INSL6: variants seen among roughly 807,000 people sequenced by gnomAD.
INSL6 encodes insulin-like peptide INSL6.
In INSL6, 16 loss-of-function variants were observed where a neutral mutation model predicts 9.4. The observed-to-expected ratio is 1.70, with a 90% CI of 1.15 to 2.59. The LOEUF is 2.59. INSL6 is among the 30% of genes most tolerant of loss of function. The probability of loss-of-function intolerance (pLI) is 0.00; values close to 1 mark genes in which losing one functional copy is unlikely to be tolerated. For missense variants in INSL6, 391 were observed against 257.3 expected (o/e 1.52, Z -3.56); for synonymous variants, 154 against 96.9 (o/e 1.59, Z -3.46).
chr9:5,035,383 T>C, the INSL6 span, among the ~76,000 whole-genome samples: 2 of 152,244 alleles, frequency 1.3e-5, no homozygotes, highest in Non-Finnish European at 2.9e-5. Context: ...ACTCATTTTA[T>C]GAGGCCAGCA....
chr9:5,111,210 C>T, the INSL6 span: 1 of 614,002 alleles, frequency 1.6e-6, no homozygotes, highest in Non-Finnish European at 3.0e-6. Context: ...GACTCGGAGG[C>T]AAGAGCAGCT....
At chr9:5,061,297 C>T in the INSL6 span, among the ~76,000 whole-genome samples, 1 of 152,238 alleles carries the variant, frequency 6.6e-6, no homozygotes, top group Non-Finnish European at 1.5e-5. Flanking sequence ...ACTGACTTCT[C>T]CTCTCTAGCT....
the INSL6 span, among the ~76,000 whole-genome samples, chr9:5,107,343 A>C: frequency 6.6e-6 from 1 of 152,158 alleles, no homozygotes; most frequent in Non-Finnish European, 1.5e-5. Context: ...ATGAAGGCAG[A>C]TTTGACCCAA....
intron 3 of INSL6, among the ~76,000 whole-genome samples, chr9:5,125,199 A>G (rs1245126790): frequency 6.6e-6 from 1 of 151,180 alleles, no homozygotes; most frequent in East Asian, 1.9e-4. Context: ...TTTGTGTATA[A>G]AAGTATATAC....
chr9:5,071,393 T>A, the INSL6 span, among the ~76,000 whole-genome samples: 1 of 152,028 alleles, frequency 6.6e-6, no homozygotes, highest in Non-Finnish European at 1.5e-5. Context: ...ATACAGACTA[T>A]AAAATACATA....
the INSL6 span, chr9:5,022,244 T>C: frequency 1.4e-6 from 2 of 1,465,558 alleles, no homozygotes; most frequent in South Asian, 2.3e-5. Context: ...TTTTCCTTTT[T>C]ATGCATGGAT....
At chr9:5,072,536 C>A in the INSL6 span, 4 of 1,605,102 alleles carry the variant, frequency 2.5e-6, no homozygotes, top group South Asian at 4.5e-5. Context: ...TTTTTAAAGG[C>A]GTACGAAGAG....
At chr9:5,047,600 T>A in the INSL6 span, among the ~76,000 whole-genome samples, 24 of 152,324 alleles carry the variant, frequency 1.6e-4, no homozygotes, top group East Asian at 1.7e-3. Flanking sequence ...AGATGTAAAT[T>A]TCTTAAGTTC....
chr9:5,126,693 A>G (rs1353496335), intron 3 of INSL6: 2 of 1,607,730 alleles, frequency 1.2e-6, no homozygotes, highest in African/African-American at 1.3e-5. Flanking sequence ...GATCTATATG[A>G]TCATGACAGA....
At chr9:5,050,633 A>T in the INSL6 span, 1 of 1,522,440 alleles carries the variant, frequency 6.6e-7, no homozygotes, top group Non-Finnish European at 9.0e-7. Flanking sequence ...CATAGATTAA[A>T]ACATGATAAT....
At chr9:5,098,145 A>G in the INSL6 span, 1 of 152,210 alleles carries the variant, frequency 6.6e-6, no homozygotes, top group Non-Finnish European at 1.5e-5. Context: ...GAGTGACTTT[A>G]TGGCTGTCCA....
chr9:5,118,634 TG>T, the INSL6 span, among the ~76,000 whole-genome samples: 1 of 152,250 alleles, frequency 6.6e-6, no homozygotes, highest in South Asian at 2.1e-4. Flanking sequence ...GCATAAATTC[TG>T]TGTTCATTTT....
the INSL6 span, chr9:5,112,139 C>T: frequency 5.2e-5 from 16 of 309,086 alleles, no homozygotes; most frequent in East Asian, 8.7e-4. Context: ...GCCATGGGCA[C>T]GGCTAGCAAC....
rs967625153 is a variant in INSL6, at chr9:5,146,196, T to C, written c.377-12604A>G. Among the ~76,000 whole-genome samples the C allele has an allele frequency of 4.6e-5, 7 of 152,162 alleles. No homozygotes were observed. The East Asian group carries it at 1.3e-3, about 29-fold the overall frequency. ...AAGTGAACTCAGCGAATTGGCCTTG[T>C]TTCTTGAAGATTTTAGGGGGCCAGT... On this transcript the variant is annotated intron_variant, in intron 2 of 3. Coordinates refer to the INSL6 transcript ENST00000649639.
chr9:5,169,099 T>C (rs372572061), intron 1 of INSL6, among the ~76,000 whole-genome samples: 1 of 152,276 alleles, frequency 6.6e-6, no homozygotes, highest in South Asian at 2.1e-4. Context: ...GCTAATTTTG[T>C]ATTTTTAGTA....
chr9:5,034,393 A>C, the INSL6 span, among the ~76,000 whole-genome samples: 1 of 152,226 alleles, frequency 6.6e-6, no homozygotes, highest in Non-Finnish European at 1.5e-5. Flanking sequence ...AAGCAGACCT[A>C]ATAGACATCT....
intron 1 of INSL6, among the ~76,000 whole-genome samples, chr9:5,181,864 A>G (rs981733004): frequency 6.6e-6 from 1 of 152,224 alleles, no homozygotes; most frequent in East Asian, 1.9e-4. Flanking sequence ...AGAGCAAGTT[A>G]AAATAGAAAT....
chr9:5,045,283 C>A, the INSL6 span, among the ~76,000 whole-genome samples: 4 of 152,138 alleles, frequency 2.6e-5, no homozygotes, highest in South Asian at 8.3e-4. Flanking sequence ...GGAAACAAGC[C>A]CACAGATCCT....
downstream of INSL6, among the ~76,000 whole-genome samples, chr9:5,119,834 G>C (rs995458509): frequency 1.3e-5 from 2 of 151,898 alleles, no homozygotes; most frequent in African/African-American, 4.8e-5. Context: ...AAGCAAATCA[G>C]GCAGTTAGCA....
Sources: gnomAD v4.1 joint callset for allele counts (sites outside exome capture counted in the v4.1 genomes callset) on GRCh38, gnomAD v4.1.1 for gene constraint, MANE v1.5 for transcripts, NCBI Gene and HGNC (gene_info 2026-07-23, HGNC 2026-07-21) for gene names.